Variants in TRMT10C observed in about 807,000 individuals in gnomAD.
TRMT10C encodes tRNA methyltransferase 10 homolog C.
Under a neutral mutation model 27.4 loss-of-function variants are expected in TRMT10C, and 14 were observed. The ratio of observed to expected loss-of-function variants is 0.51; its 90% confidence interval spans 0.34 to 0.80. The LOEUF (loss-of-function observed/expected upper bound fraction) is 0.80, where lower values mean the gene tolerates loss of function less well. Ranked by LOEUF, TRMT10C falls within the 30% of genes least tolerant of loss-of-function variation. TRMT10C has a pLI of 0.02. For missense variants in TRMT10C, 438 were observed against 464.8 expected (o/e 0.94, Z 0.53); for synonymous variants, 143 against 155.9 (o/e 0.92, Z 0.62).
rs373507615 is a variant in TRMT10C, at chr3:101,566,020, T to C, written c.*27T>C. On this transcript the variant is annotated 3_prime_UTR_variant, in exon 2 of 2. Transcript: ENST00000309922. ...TCATTTTCAAAAGGTTCTCTGAATGTGCACAGAACACGTGGCTCAAATGAG... is the reference window on the plus strand; with the variant it reads ...TCATTTTCAAAAGGTTCTCTGAATGCGCACAGAACACGTGGCTCAAATGAG... The C allele has an allele frequency of 6.4e-7, 1 of 1,561,762 alleles. No homozygotes were observed. The highest frequency in any genetic ancestry group is 1.7e-4 in the Middle Eastern group (1 of 5,798).
In TRMT10C at chr3:101,565,982, G is replaced by A; in HGVS notation, c.1201G>A (p.Ala401Thr). Residue 401 changes from alanine (A) to threonine (T), a missense_variant, in exon 2 of 2, where the codon GCA becomes ACA. Transcript: ENST00000309922. ...AGAGTTTATCAACAGACTAAAGAAG[G>A]CAAAGACTTAATTCATTTTCAAAAG... ...SQEFINRLKK[A>T]KT 6.3e-7 allele frequency: 1 copy of A among 1,595,032 alleles called. No homozygotes were observed. The highest frequency in any genetic ancestry group is 8.5e-7 in the Non-Finnish European group (1 of 1,171,464).
At position 101,565,183 on chromosome 3, in the gene TRMT10C, A is replaced by G; in HGVS notation, c.402A>G (p.Lys134=). The part of the protein sequence containing the change: ...VSNTAKKKYL[K]YLYTKEKVKK... Reference sequence around the variant, plus strand: ...ACACAGCAAAAAAAAAATATTTAAAATATTTATATACGAAGGAAAAAGTGA... The same window carrying G: ...ACACAGCAAAAAAAAAATATTTAAAGTATTTATATACGAAGGAAAAAGTGA... The change falls in exon 2 of 2, where the codon AAA becomes AAG. Residue 134 remains lysine (K), a synonymous_variant. Transcript: ENST00000309922. 1 of 1,554,236 alleles carries G rather than the reference A, an allele frequency of 6.4e-7. No homozygotes were observed. The highest frequency in any genetic ancestry group is 8.7e-7 in the Non-Finnish European group (1 of 1,154,982).
At chr3:101,562,682 TTC>T (rs1319857832) in intron 1 of TRMT10C, among the ~76,000 whole-genome samples, 1 of 151,870 alleles carries the variant, frequency 6.6e-6, no homozygotes, top group Non-Finnish European at 1.5e-5. Flanking sequence ...AACTTTTTTT[TTC>T]TTTTTTTTTT....
chr3:101,562,953 A>G (rs565135863), intron 1 of TRMT10C, among the ~76,000 whole-genome samples: 1 of 152,186 alleles, frequency 6.6e-6, no homozygotes, highest in Non-Finnish European at 1.5e-5. Flanking sequence ...GGTGAAGAAT[A>G]GCTAGAGATG....
At chr3:101,563,609 C>G (rs1043736279) in intron 1 of TRMT10C, among the ~76,000 whole-genome samples, 8 of 152,090 alleles carry the variant, frequency 5.3e-5, no homozygotes, top group Non-Finnish European at 1.0e-4. Context: ...CATCAGTGCA[C>G]AGGTCAGAGA....
intron 1 of TRMT10C, 107 bp downstream of exon 1, chr3:101,562,110 G>A (rs1420113113): frequency 6.6e-6 from 1 of 152,190 alleles, no homozygotes; most frequent in Non-Finnish European, 1.5e-5. Context: ...AGGCCCACGG[G>A]TAAGAGGAAG....
rs1934516985 is a variant in TRMT10C, at chr3:101,566,437, T to G, written c.*444T>G. 1 of 153,348 alleles carries G rather than the reference T, an allele frequency of 6.5e-6. No individual in the cohort carries two copies. Among genetic ancestry groups the G allele is most frequent in the Non-Finnish European group, 1.5e-5 (1 of 68,850 alleles). The allele number at this position is 153,348 out of a possible 1,614,324, so 9.5% of individuals were successfully genotyped here. A position where few individuals can be genotyped will look rare whatever the true frequency, so the allele number is the denominator to read the frequency against. ...CTTTTACAGTAAACTGGTAAATGTG[T>G]TTCCTTCAATTCTATGAGCCATTCA... On this transcript the variant is annotated 3_prime_UTR_variant, in exon 2 of 2. Coordinates refer to ENST00000309922, the MANE Select transcript of TRMT10C (RefSeq NM_017819.4).
In TRMT10C at chr3:101,566,337, G is replaced by T; in HGVS notation, c.*344G>T. The T allele has an allele frequency of 5.2e-6, 1 of 190,756 alleles. No homozygotes were observed. The highest frequency in any genetic ancestry group is 1.4e-4 in the East Asian group (1 of 7,224). The allele number at this position is 190,756 out of a possible 1,614,324, so 11.8% of individuals were successfully genotyped here. A position where few individuals can be genotyped will look rare whatever the true frequency, so the allele number is the denominator to read the frequency against. ...GGTTCCTAGAGGGTGGTGCCCTGGGGTGGGCTTGGAAGCTCTGCACCCCTT... is the reference window on the plus strand; with the variant it reads ...GGTTCCTAGAGGGTGGTGCCCTGGGTTGGGCTTGGAAGCTCTGCACCCCTT... On this transcript the variant is annotated 3_prime_UTR_variant, in exon 2 of 2. Coordinates refer to ENST00000309922, the MANE Select transcript of TRMT10C (RefSeq NM_017819.4).
At chr3:101,563,681 C>T (rs1276874210) in intron 1 of TRMT10C, among the ~76,000 whole-genome samples, 1 of 152,166 alleles carries the variant, frequency 6.6e-6, no homozygotes, top group Non-Finnish European at 1.5e-5. Context: ...AGGAATTTTT[C>T]AAGTGTTTTA....
chr3:101,565,832 C>T lies in TRMT10C; in HGVS notation c.1051C>T (p.Leu351Phe). Residue 351 changes from leucine to phenylalanine, a missense_variant, in exon 2 of 2, where the codon CTC (leucine) becomes TTC (phenylalanine). By Grantham distance (22) the Leu-to-Phe change is conservative. Transcript: ENST00000309922. ...ACAATGGGAAATTGGTAACAAAAAT[C>T]TCACCTTAGATCAAATGATACGTAT... is the stretch of plus-strand genomic sequence containing the variant. ...YLQWEIGNKN[L>F]TLDQMIRILL... is the part of the protein sequence containing the mutation. 6.2e-7 allele frequency: 1 copy of T among 1,614,080 alleles called. No homozygotes were observed.
Position 101,565,662 on chromosome 3 carries a change from C to T in TRMT10C, c.881C>T (p.Ser294Phe). ...AGTATTATCTATTTAACTGCAGATT[C>T]TCCCAATGTTATGACTACTTTCAGG... Reference protein sequence around the residue: ...KDSIIYLTADSPNVMTTFRHD... With the variant: ...KDSIIYLTADFPNVMTTFRHD... Residue 294 changes from serine to phenylalanine, a missense_variant, in exon 2 of 2, where the codon TCT becomes TTT. By Grantham distance (155) the Ser-to-Phe change is radical (BLOSUM62 -2). Transcript: ENST00000309922. 1 of 1,614,176 alleles carries T rather than the reference C, an allele frequency of 6.2e-7. No homozygotes were observed. Among genetic ancestry groups the T allele is most frequent in the South Asian group, 1.1e-5 (1 of 91,090 alleles).
intron 1 of TRMT10C, among the ~76,000 whole-genome samples, chr3:101,563,409 C>A (rs1934457044): frequency 6.6e-6 from 1 of 152,176 alleles, no homozygotes; most frequent in Non-Finnish European, 1.5e-5. Flanking sequence ...CCTCCCTCCT[C>A]GGCCTTCCAA....
At chr3:101,563,276 G>A (rs907948427) in intron 1 of TRMT10C, among the ~76,000 whole-genome samples, 3 of 137,952 alleles carry the variant, frequency 2.2e-5, no homozygotes, top group African/African-American at 8.2e-5. Context: ...CCCCACTTCA[G>A]CCTCACGAGT....
At position 101,565,029 on chromosome 3, in the gene TRMT10C, C is replaced by T. The variant is rs749199440; in HGVS notation, c.248C>T (p.Ser83Leu). 3.1e-6 allele frequency: 5 copies of T among 1,613,786 alleles called. No individual in the cohort carries two copies. The highest frequency in any genetic ancestry group is 4.2e-6 in the Non-Finnish European group (5 of 1,180,014). ...CAAGAAGAATGTGTTTCAACAATCT[C>T]AAGCAGTAAGGATGAAGATCCTCTA... ...SVQEECVSTI[S>L]SSKDEDPLAA... Residue 83 changes from serine to leucine, a missense_variant, in exon 2 of 2, where the codon TCA becomes TTA. Ser to Leu is a moderately radical substitution (Grantham distance 145). Around this residue, in one of 3 missense-constraint regions of TRMT10C, gnomAD observed 350 missense variants for 370.5 expected, o/e 0.94. Transcript: ENST00000309922.
intron 1 of TRMT10C, among the ~76,000 whole-genome samples, chr3:101,563,109 GT>G (rs900735214): frequency 6.6e-6 from 1 of 152,138 alleles, no homozygotes; most frequent in African/African-American, 2.4e-5. Flanking sequence ...CGTTTGAGGT[GT>G]TTTTTGTTTG....
At chr3:101,564,715 G>A (rs1023486474) in intron 1 of TRMT10C, 55 bp from the exon 2 acceptor site, 1 of 1,412,054 alleles carries the variant, frequency 7.1e-7, no homozygotes, top group Non-Finnish European at 9.5e-7. Context: ...ACAATTAGTT[G>A]AGAAGTTATA....
Position 101,566,061 on chromosome 3 carries a change from A to G in TRMT10C, c.*68A>G, listed in dbSNP as rs1464412839. The G allele has an allele frequency of 6.8e-7, 1 of 1,472,254 alleles. No homozygotes were observed. The highest frequency in any genetic ancestry group is 1.4e-5 in the African/African-American group (1 of 70,744). 91.2% of individuals were successfully genotyped at this position (1,472,254 alleles called of 1,614,324 possible). A position where few individuals can be genotyped will look rare whatever the true frequency, so the allele number is the denominator to read the frequency against. ...CTCAAATGAGAACATTTGATGGCTT[A>G]AAAAGTAAATGCGTTAGAAATACAG... On this transcript the variant is annotated 3_prime_UTR_variant, in exon 2 of 2. Coordinates refer to ENST00000309922, the MANE Select transcript of TRMT10C (RefSeq NM_017819.4).
At position 101,565,005 on chromosome 3, in the gene TRMT10C, A is replaced by G; in HGVS notation, c.224A>G (p.Gln75Arg). Residue 75 changes from glutamine to arginine, a missense_variant, in exon 2 of 2, where the codon CAA becomes CGA. This residue lies in a region of TRMT10C where 350 missense variants were observed against 370.5 expected (regional missense o/e 0.94). Transcript: ENST00000309922. The stretch of plus-strand genomic sequence containing the variant: ...AAAACTACCATGAAATCTAGTGTGC[A>G]AGAAGAATGTGTTTCAACAATCTCA... The part of the protein sequence containing the change: ...KWKTTMKSSV[Q>R]EECVSTISSS... 1 of 1,614,094 alleles carries G rather than the reference A, an allele frequency of 6.2e-7. No homozygotes were observed. The highest frequency in any genetic ancestry group is 8.5e-7 in the Non-Finnish European group (1 of 1,180,028).
At position 101,561,957 on chromosome 3, in the gene TRMT10C, G is replaced by A. The variant is rs570381669; in HGVS notation, c.-59G>A. 2 of 153,040 alleles carry A rather than the reference G, an allele frequency of 1.3e-5. No homozygotes were observed. Among genetic ancestry groups the A allele is most frequent in the South Asian group, 2.0e-4 (1 of 4,894 alleles). 9.5% of individuals were successfully genotyped at this position (153,040 alleles called of 1,614,324 possible). ...TACGTCGGAGTCCTTCGTCCTCCAGGGTCCCTGTTCTTTGCGCCAGCGGGA... is the reference window on the plus strand; with the variant it reads ...TACGTCGGAGTCCTTCGTCCTCCAGAGTCCCTGTTCTTTGCGCCAGCGGGA... On this transcript the variant is annotated 5_prime_UTR_variant, in exon 1 of 2. Coordinates refer to ENST00000309922, the MANE Select transcript of TRMT10C (RefSeq NM_017819.4).
Sources: gnomAD v4.1 joint callset for allele counts (sites outside exome capture counted in the v4.1 genomes callset) on GRCh38, gnomAD v4.1.1 for gene constraint, gnomAD v4.1.1 regional missense constraint, MANE v1.5 for transcripts, NCBI Gene and HGNC (gene_info 2026-07-23, HGNC 2026-07-21) for gene names.